Variants in RIPOR2 observed in about 807,000 individuals in gnomAD.
The protein encoded by RIPOR2 is rho family-interacting cell polarization regulator 2.
A neutral mutation model predicts 114.5 loss-of-function variants in RIPOR2; 39 were observed. That is an observed-to-expected ratio of 0.34 (90% CI 0.26 to 0.44). The LOEUF (loss-of-function observed/expected upper bound fraction) is 0.44, where lower values mean the gene tolerates loss of function less well. Ranked by LOEUF, RIPOR2 falls within the 20% of genes least tolerant of loss-of-function variation. The pLI, the probability that RIPOR2 is intolerant of heterozygous loss-of-function variation, is 1.00. For synonymous variants in RIPOR2, 445 were observed against 484.4 expected (o/e 0.92, Z 1.07); for missense variants, 1,007 against 1,255.1 (o/e 0.80, Z 2.99).
chr6:24,956,550 T>A lies in RIPOR2; in HGVS notation c.77-80733A>T, dbSNP rs1022046097. 2.0e-5 allele frequency among the ~76,000 whole-genome samples: 3 copies of A among 152,226 alleles called. No homozygotes were observed. In the East Asian group the frequency reaches 5.8e-4, roughly 29 times the overall value. ...TGTGATATGCAAATATTTCATTTAA[T>A]CCTCATGACACGCTAGGTAGTTGTA... On this transcript the variant is annotated intron_variant, in intron 1 of 13. Transcript: ENST00000510784.
At chr6:24,861,995 C>T (rs146500274) in intron 7 of RIPOR2, among the ~76,000 whole-genome samples, 136 of 152,300 alleles carry the variant, frequency 8.9e-4, no homozygotes, top group African/African-American at 3.1e-3. Flanking sequence ...AAACCTACAG[C>T]GCCCCAAAAA....
chr6:24,809,847 A>G (rs1479921605), intron 20 of RIPOR2, 40 bp from the exon 21 acceptor site: 26 of 1,300,550 alleles, frequency 2.0e-5, no homozygotes, highest in Non-Finnish European at 2.8e-5. Flanking sequence ...TTTGACATTT[A>G]GGTCTAGAGT....
intron 15 of RIPOR2, among the ~76,000 whole-genome samples, chr6:24,834,338 C>T (rs1760930688): frequency 1.3e-5 from 2 of 152,180 alleles, no homozygotes. Context: ...GGAGGCAACA[C>T]TGCCCCTCTG....
chr6:24,904,129 T>G (rs1431011496), intron 1 of RIPOR2, among the ~76,000 whole-genome samples: 2 of 152,240 alleles, frequency 1.3e-5, no homozygotes, highest in African/African-American at 4.8e-5. Context: ...TGTATGAGTT[T>G]CAGATGGCTG....
intron 1 of RIPOR2, among the ~76,000 whole-genome samples, chr6:25,036,987 G>A (rs1331371808): frequency 6.6e-6 from 1 of 152,304 alleles, no homozygotes; most frequent in Non-Finnish European, 1.5e-5. Flanking sequence ...GGGAAAAAAT[G>A]TGGAGGTGGC....
chr6:25,034,586 A>T lies in RIPOR2; in HGVS notation c.76+7265T>A, dbSNP rs188762077. Reference sequence around the variant, plus strand: ...GACCAAGTTATCATTCTAGTGATTAACTTTTGGGCTCTTTAGATCCTTCAT... The same window carrying T: ...GACCAAGTTATCATTCTAGTGATTATCTTTTGGGCTCTTTAGATCCTTCAT... On this transcript the variant is annotated intron_variant, in intron 1 of 13. Transcript: ENST00000510784. 5.3e-5 allele frequency among the ~76,000 whole-genome samples: 8 copies of T among 152,312 alleles called. No homozygotes were observed. The East Asian group carries it at 1.5e-3, about 29-fold the overall frequency.
Position 24,835,754 on chromosome 6 carries a change from G to T in RIPOR2, c.2157C>A (p.Ser719Arg). 6.4e-7 allele frequency: 1 copy of T among 1,551,606 alleles called. No individual in the cohort carries two copies. The highest frequency in any genetic ancestry group is 1.2e-5 in the South Asian group (1 of 84,058). The change falls in exon 15 of 22, where the codon AGC becomes AGA. Residue 719 changes from serine (S) to arginine (R), a missense_variant. Ser to Arg is a moderately radical substitution (Grantham distance 110). Coordinates refer to ENST00000643898, the MANE Select transcript of RIPOR2 (RefSeq NM_001286445.3). The stretch of plus-strand genomic sequence containing the variant: ...GGTGCCTGACGATGGTGATGTCCAG[G>T]CTCTCGTTGCCTGTGGTCAGTGGGA... ...SPLPLTTGNE[S>R]LDITIVRHLQ... is the part of the protein sequence containing the mutation.
chr6:25,010,450 G>A (rs555005680), intron 1 of RIPOR2, among the ~76,000 whole-genome samples: 24 of 152,292 alleles, frequency 1.6e-4, no homozygotes, highest in African/African-American at 5.5e-4. Context: ...TACAGCCTGC[G>A]GAACCATGAG....
intron 1 of RIPOR2, among the ~76,000 whole-genome samples, chr6:25,006,623 G>GA (rs1561839858): frequency 6.6e-6 from 1 of 152,186 alleles, no homozygotes; most frequent in Non-Finnish European, 1.5e-5. Flanking sequence ...AGGCACAGGT[G>GA]AGTCACTGAG....
chr6:25,031,698 GTTATATATATAT>G lies in RIPOR2; in HGVS notation c.76+10141_76+10152del, dbSNP rs1305300150. On this transcript the variant is annotated intron_variant, in intron 1 of 13. Transcript: ENST00000510784. ...GGTTAGGTATGTGATGTAGGTGGTA[GTTATATATATAT>G]ATATATATATATATATATATATATA... Among the ~76,000 whole-genome samples, 494 of 47,980 alleles carry G rather than the reference GTTATATATATAT, an allele frequency of 0.01. 6 individuals are homozygous for G. In the Middle Eastern group the frequency reaches 0.11, roughly 11 times the overall value. 31.5% of individuals were successfully genotyped at this position (47,980 alleles called of 152,430 possible). A position where few individuals can be genotyped will look rare whatever the true frequency, so the allele number is the denominator to read the frequency against.
intron 1 of RIPOR2, among the ~76,000 whole-genome samples, chr6:24,960,384 T>G (rs1005957656): frequency 2.5e-4 from 38 of 152,254 alleles, no homozygotes; most frequent in African/African-American, 9.1e-4. Context: ...CTAGGCTAAT[T>G]CTCTCCAGCC....
chr6:25,007,629 C>G (rs1775609448), intron 1 of RIPOR2, among the ~76,000 whole-genome samples: 1 of 151,864 alleles, frequency 6.6e-6, no homozygotes, highest in Admixed American at 6.6e-5. Flanking sequence ...TGCTCTCTGA[C>G]CTTATTCTTC....
intron 1 of RIPOR2, among the ~76,000 whole-genome samples, chr6:24,959,888 C>T (rs999987556): frequency 6.6e-6 from 1 of 152,142 alleles, no homozygotes; most frequent in Non-Finnish European, 1.5e-5. Context: ...CAATGTTATG[C>T]CACCTTTTGG....
intron 1 of RIPOR2, among the ~76,000 whole-genome samples, chr6:25,005,947 T>C (rs553442190): frequency 3.4e-4 from 51 of 151,954 alleles, no homozygotes; most frequent in East Asian, 2.9e-3. Context: ...AATAAAACTC[T>C]ACAATTCTAT....
At chr6:25,033,998 T>C (rs1203800369) in intron 1 of RIPOR2, among the ~76,000 whole-genome samples, 1 of 152,076 alleles carries the variant, frequency 6.6e-6, no homozygotes, top group Non-Finnish European at 1.5e-5. Context: ...TCTGTTTGCA[T>C]TCAATTTGCA....
At chr6:24,868,619 G>A (rs1490238907) in intron 6 of RIPOR2, among the ~76,000 whole-genome samples, 1 of 152,140 alleles carries the variant, frequency 6.6e-6, no homozygotes, top group Non-Finnish European at 1.5e-5. Context: ...CGAAAACCAT[G>A]CCATATGAGG....
At chr6:24,943,123 A>G (rs1346286020) in intron 1 of RIPOR2, among the ~76,000 whole-genome samples, 3 of 152,244 alleles carry the variant, frequency 2.0e-5, no homozygotes, top group African/African-American at 7.2e-5. Flanking sequence ...TGGATTAAGA[A>G]AATGTGGCAC....
At chr6:24,860,856 G>A (rs950035861) in intron 8 of RIPOR2, 117 bp downstream of exon 8, 2 of 646,530 alleles carry the variant, frequency 3.1e-6, no homozygotes, top group Non-Finnish European at 5.5e-6. Context: ...TGGGTTGAGA[G>A]TGGGTGGCGC....
At chr6:25,040,852 A>G (rs994401959) in intron 1 of RIPOR2, among the ~76,000 whole-genome samples, 2 of 152,100 alleles carry the variant, frequency 1.3e-5, no homozygotes, top group African/African-American at 4.8e-5. Context: ...TGGCCTCCCA[A>G]AGTGCTGGGA....
Sources: allele counts gnomAD v4.1 joint callset (sites outside exome capture counted in the v4.1 genomes callset), GRCh38; gene constraint gnomAD v4.1.1; transcripts MANE v1.5; gene names NCBI Gene and HGNC (gene_info 2026-07-23, HGNC 2026-07-21).